Variants in RAPGEF5 observed in about 807,000 individuals in gnomAD.
RAPGEF5 encodes the protein Rap guanine nucleotide exchange factor 5, also known as M-Ras-regulated GEF.
Under a neutral mutation model 125.2 loss-of-function variants are expected in RAPGEF5, and 65 were observed. The ratio of observed to expected loss-of-function variants is 0.52; its 90% CI spans 0.43 to 0.64. The LOEUF is 0.64. RAPGEF5 is among the 30% of genes least tolerant of loss of function. RAPGEF5 has a pLI of 0.00. For missense variants in RAPGEF5, 958 were observed against 1,048.1 expected (o/e 0.91, Z 1.19); for synonymous variants, 391 against 385.9 (o/e 1.01, Z -0.16).
chr7:22,282,154 T>C (rs1019055380), intron 6 of RAPGEF5, among the ~76,000 whole-genome samples: 2 of 152,200 alleles, frequency 1.3e-5, no homozygotes, highest in African/African-American at 4.8e-5. Context: ...CTGAGCACAA[T>C]GACTTTTTAC....
intron 9 of RAPGEF5, among the ~76,000 whole-genome samples, chr7:22,215,468 T>G (rs1415979864): frequency 6.6e-6 from 1 of 152,218 alleles, no homozygotes; most frequent in African/African-American, 2.4e-5. Context: ...CACTGCTTCC[T>G]TGTATCTCAG....
Position 22,194,016 on chromosome 7 carries a change from C to G in RAPGEF5, c.1014G>C (p.Thr338=). Residue 338 remains threonine, a synonymous_variant, in exon 10 of 26, where the codon ACG becomes ACC. Transcript: ENST00000665637. ...GGTCTTGCTCTTTAACCTGAACAGT[C>G]GTCACTTCATCATCTTGCTTTAATT... ...EKSEHQDDEV[T]TVQVKEQDQS... is the part of the protein sequence containing the mutation. 1 of 1,613,644 alleles carries G rather than the reference C, an allele frequency of 6.2e-7. No homozygotes were observed. Among genetic ancestry groups the G allele is most frequent in the Non-Finnish European group, 8.5e-7 (1 of 1,179,758 alleles).
At chr7:22,134,077 C>T (rs139938351) in intron 23 of RAPGEF5, among the ~76,000 whole-genome samples, 33 of 152,260 alleles carry the variant, frequency 2.2e-4, no homozygotes, top group Admixed American at 9.2e-4. Context: ...TCATTAAAAA[C>T]TAAGTTGGTT....
chr7:22,221,820 C>A (rs1785797367), intron 8 of RAPGEF5, among the ~76,000 whole-genome samples: 1 of 152,146 alleles, frequency 6.6e-6, no homozygotes, highest in Non-Finnish European at 1.5e-5. Context: ...TTATTAGCAG[C>A]ATGAGAGCAG....
At chr7:22,353,485 A>C (rs187291118) in intron 1 of RAPGEF5, among the ~76,000 whole-genome samples, 1 of 152,188 alleles carries the variant, frequency 6.6e-6, no homozygotes, top group Non-Finnish European at 1.5e-5. Context: ...GATGTACGGA[A>C]TTTTGTTTTA....
chr7:22,140,879 T>G (rs1485941558), intron 20 of RAPGEF5, among the ~76,000 whole-genome samples: 1 of 152,098 alleles, frequency 6.6e-6, no homozygotes, highest in Non-Finnish European at 1.5e-5. Flanking sequence ...CTGGAGAGCA[T>G]TAGAAAACAA....
At chr7:22,154,704 C>G (rs1035681810) in intron 16 of RAPGEF5, 100 bp from the exon 17 acceptor site, 8 of 1,334,872 alleles carry the variant, frequency 6.0e-6, no homozygotes, top group Non-Finnish European at 8.2e-6. Context: ...CTAAATCAAC[C>G]CACCTGGCTA....
intron 9 of RAPGEF5, among the ~76,000 whole-genome samples, chr7:22,219,069 A>G (rs1015642740): frequency 6.6e-6 from 1 of 152,202 alleles, no homozygotes; most frequent in Non-Finnish European, 1.5e-5. Context: ...AGGAAAAATT[A>G]AAGTCAGAGA....
Position 22,161,102 on chromosome 7 carries a change from G to A in RAPGEF5, c.1429-487C>T, listed in dbSNP as rs1282477357. 6.6e-5 allele frequency among the ~76,000 whole-genome samples: 10 copies of A among 152,002 alleles called. No individual in the cohort carries two copies. The East Asian group carries it at 7.7e-4, about 12-fold the overall frequency. On this transcript the variant is annotated intron_variant, in intron 13 of 25. Coordinates refer to ENST00000665637, the MANE Select transcript of RAPGEF5 (RefSeq NM_012294.5). ...GGGCGCCTGTAATCCCCAGCTACTCGGGAGGCTGAGGCAGGAGAATGGCGT... is the reference window on the plus strand; with the variant it reads ...GGGCGCCTGTAATCCCCAGCTACTCAGGAGGCTGAGGCAGGAGAATGGCGT...
chr7:22,170,594 T>G (rs912560781), intron 11 of RAPGEF5, among the ~76,000 whole-genome samples: 67 of 152,186 alleles, frequency 4.4e-4, no homozygotes, highest in African/African-American at 1.4e-3. Context: ...AGAACACCAT[T>G]AAACCATTAA....
chr7:22,330,615 T>C (rs900831210), intron 1 of RAPGEF5, among the ~76,000 whole-genome samples: 1 of 152,224 alleles, frequency 6.6e-6, no homozygotes, highest in African/African-American at 2.4e-5. Flanking sequence ...TCTCTTGCCA[T>C]TAACCTCTGA....
chr7:22,302,518 C>T (rs1360100701), intron 5 of RAPGEF5, among the ~76,000 whole-genome samples: 1 of 152,112 alleles, frequency 6.6e-6, no homozygotes, highest in Non-Finnish European at 1.5e-5. Context: ...CACAAAGGAG[C>T]TGGCTGCCTA....
intron 1 of RAPGEF5, among the ~76,000 whole-genome samples, chr7:22,350,071 T>C (rs190389844): frequency 3.9e-5 from 6 of 152,228 alleles, no homozygotes; most frequent in African/African-American, 9.6e-5. Context: ...TAAAATCTTA[T>C]GATCTCTCAA....
chr7:22,291,208 G>T lies in RAPGEF5; in HGVS notation c.714C>A (p.Ser238Arg). Residue 238 changes from serine (S) to arginine (R), a missense_variant, in exon 6 of 26, where the codon AGC becomes AGA. Ser to Arg is a moderately radical substitution (Grantham distance 110). Transcript: ENST00000665637. ...SHQKIEDSEESSDEILVRLTS... is the reference protein window; with the variant it reads ...SHQKIEDSEERSDEILVRLTS... The stretch of plus-strand genomic sequence containing the variant: ...TTAGACGCACAAGAATTTCATCACT[G>T]CTTTCTTCGGAGTCTTCAATTTTCT... The T allele has an allele frequency of 6.3e-7, 1 of 1,580,076 alleles. No homozygotes were observed.
chr7:22,295,415 T>C (rs529938299), intron 5 of RAPGEF5, among the ~76,000 whole-genome samples: 2 of 152,322 alleles, frequency 1.3e-5, no homozygotes, highest in South Asian at 2.1e-4. Flanking sequence ...TGAGTATTAA[T>C]GTTTAATATT....
At chr7:22,217,344 C>A (rs767550505) in intron 9 of RAPGEF5, among the ~76,000 whole-genome samples, 2 of 152,176 alleles carry the variant, frequency 1.3e-5, no homozygotes, top group East Asian at 3.8e-4. Context: ...CTATGAAGAG[C>A]AGATGACTGC....
chr7:22,270,517 C>T (rs1356729445), intron 6 of RAPGEF5, among the ~76,000 whole-genome samples: 2 of 152,158 alleles, frequency 1.3e-5, no homozygotes, highest in Admixed American at 6.5e-5. Context: ...TTGGGTTAGG[C>T]TTGAGAAATG....
rs527773159 is a variant in RAPGEF5 at position 22,318,949 on chromosome 7, T to C, written c.232-912A>G. Among the ~76,000 whole-genome samples, 4 of 152,356 alleles carry C rather than the reference T, an allele frequency of 2.6e-5. No homozygotes were observed. In the East Asian group the frequency reaches 5.8e-4, roughly 22 times the overall value. The stretch of plus-strand genomic sequence containing the variant: ...CTTATACTGCTTTGCTTTCATGGCA[T>C]CCAGCACACAATTGTGCACAAAGAT... On this transcript the variant is annotated intron_variant, in intron 1 of 25. Transcript: ENST00000665637.
intron 9 of RAPGEF5, among the ~76,000 whole-genome samples, chr7:22,196,812 G>A (rs914817635): frequency 2.0e-5 from 3 of 152,234 alleles, no homozygotes; most frequent in Non-Finnish European, 4.4e-5. Flanking sequence ...GCCTGCCACA[G>A]ACGTTTAGCA....
Sources: allele counts gnomAD v4.1 joint callset (sites outside exome capture counted in the v4.1 genomes callset), GRCh38; gene constraint gnomAD v4.1.1; transcripts MANE v1.5; gene names NCBI Gene and HGNC (gene_info 2026-07-23, HGNC 2026-07-21).